OSBPL9: variants seen among roughly 807,000 people sequenced by gnomAD.
OSBPL9 encodes the protein oxysterol binding protein like 9.
In OSBPL9, 40 loss-of-function variants were observed where a neutral mutation model predicts 106.6. The ratio of observed to expected loss-of-function variants is 0.38; its 90% CI spans 0.29 to 0.49. OSBPL9 has a LOEUF of 0.49. Among genes scored for constraint, OSBPL9 ranks in the 20% least tolerant of loss-of-function variants. The probability of loss-of-function intolerance (pLI) is 0.97; values close to 1 mark genes in which losing one functional copy is unlikely to be tolerated. For missense variants in OSBPL9, 609 were observed against 887.2 expected (o/e 0.69, Z 3.98); for synonymous variants, 269 against 295.4 (o/e 0.91, Z 0.92).
intron 4 of OSBPL9, among the ~76,000 whole-genome samples, chr1:51,741,526 C>G (rs1362750955): frequency 6.7e-6 from 1 of 149,812 alleles, no homozygotes; most frequent in Non-Finnish European, 1.5e-5. Context: ...CTTCCCTTCC[C>G]TCTCTCCCCA....
chr1:51,584,456 C>A (rs112744003), intron 1 of OSBPL9, among the ~76,000 whole-genome samples: 51 of 146,010 alleles, frequency 3.5e-4, no homozygotes, highest in Non-Finnish European at 6.1e-4. Flanking sequence ...ATGCTGTAAT[C>A]CCAACACTTT....
chr1:51,593,904 T>A (rs951913287), intron 1 of OSBPL9, among the ~76,000 whole-genome samples: 1 of 140,102 alleles, frequency 7.1e-6, no homozygotes, highest in Non-Finnish European at 1.5e-5. Context: ...TAATCAGATT[T>A]CACACACACA....
At chr1:51,645,877 C>T (rs971802579) in intron 1 of OSBPL9, among the ~76,000 whole-genome samples, 2 of 151,596 alleles carry the variant, frequency 1.3e-5, no homozygotes, top group African/African-American at 4.9e-5. Flanking sequence ...AAGACTATTC[C>T]CTATTGGATA....
chr1:51,734,190 A>G (rs1223787920), intron 4 of OSBPL9, among the ~76,000 whole-genome samples: 1 of 152,216 alleles, frequency 6.6e-6, no homozygotes, highest in East Asian at 1.9e-4. Context: ...AGTTCCTGCC[A>G]TATTGGAGTT....
intron 1 of OSBPL9, among the ~76,000 whole-genome samples, chr1:51,622,517 T>A (rs1433235154): frequency 1.3e-5 from 2 of 152,224 alleles, no homozygotes; most frequent in African/African-American, 2.4e-5. Context: ...GCTCAGGGTC[T>A]CTTATGAAGT....
chr1:51,645,369 C>T (rs1646085815), intron 1 of OSBPL9, among the ~76,000 whole-genome samples: 1 of 152,072 alleles, frequency 6.6e-6, no homozygotes, highest in Admixed American at 6.6e-5. Context: ...TGTGCGAGTT[C>T]TGTATATATT....
intron 2 of OSBPL9, among the ~76,000 whole-genome samples, chr1:51,665,782 T>C (rs941487522): frequency 6.6e-6 from 1 of 152,172 alleles, no homozygotes; most frequent in Admixed American, 6.5e-5. Context: ...AATGTTTTTT[T>C]CCATATAGAC....
rs536465372 is a variant in OSBPL9 at position 51,579,750 on chromosome 1, A to G, written c.-423+2494A>G. 2.6e-5 allele frequency among the ~76,000 whole-genome samples: 4 copies of G among 151,874 alleles called. No individual in the cohort carries two copies. The South Asian group carries it at 8.3e-4, about 32-fold the overall frequency. Reference sequence around the variant, plus strand: ...GTGGTGCATGCCTGTAGTCCCAGCTACCTTGAGGTGGGAGGGTCACCTGAG... The same window carrying G: ...GTGGTGCATGCCTGTAGTCCCAGCTGCCTTGAGGTGGGAGGGTCACCTGAG... On this transcript the variant is annotated intron_variant, in intron 1 of 25. Transcript: ENST00000371714.
chr1:51,718,516 A>T (rs572891245), intron 4 of OSBPL9, among the ~76,000 whole-genome samples: 6 of 152,140 alleles, frequency 3.9e-5, no homozygotes, highest in Non-Finnish European at 8.8e-5. Flanking sequence ...TGTTTTTGCT[A>T]TCACCTTTAG....
At chr1:51,553,155 C>CTAGA in the OSBPL9 span, among the ~76,000 whole-genome samples, 4 of 152,008 alleles carry the variant, frequency 2.6e-5, no homozygotes, top group Non-Finnish European at 5.9e-5. Context: ...TCACTCCACC[C>CTAGA]ACAAAATAGT....
intron 11 of OSBPL9, among the ~76,000 whole-genome samples, chr1:51,764,558 A>G (rs2149079559): frequency 6.6e-6 from 1 of 152,180 alleles, no homozygotes; most frequent in South Asian, 2.1e-4. Context: ...GGAATGGGCA[A>G]AAAATCCGTA....
intron 2 of OSBPL9, among the ~76,000 whole-genome samples, chr1:51,599,642 G>T (rs79470550): frequency 0.012 from 1,862 of 152,102 alleles, 38 homozygotes; most frequent in African/African-American, 0.043. Context: ...AATTCTACAA[G>T]CTGATAAAAT....
chr1:51,655,722 C>T (rs1646777529), intron 2 of OSBPL9, among the ~76,000 whole-genome samples: 1 of 152,204 alleles, frequency 6.6e-6, no homozygotes, highest in Non-Finnish European at 1.5e-5. Flanking sequence ...GTTTGATTCC[C>T]ATTTTTACCC....
At chr1:51,755,613 C>T (rs1670177553) in intron 8 of OSBPL9, among the ~76,000 whole-genome samples, 1 of 152,198 alleles carries the variant, frequency 6.6e-6, no homozygotes, top group South Asian at 2.1e-4. Flanking sequence ...CAAGGGTAGC[C>T]AGCTGAAACT....
chr1:51,557,163 A>G, the OSBPL9 span, among the ~76,000 whole-genome samples: 1 of 152,190 alleles, frequency 6.6e-6, no homozygotes, highest in Admixed American at 6.5e-5. Context: ...CATGGCCAAA[A>G]AAGTTTTCTT....
chr1:51,754,792 T>C (rs1669978217), intron 8 of OSBPL9, among the ~76,000 whole-genome samples: 1 of 152,160 alleles, frequency 6.6e-6, no homozygotes, highest in South Asian at 2.1e-4. Context: ...CCCTCTCTCT[T>C]CTTTCTTACT....
chr1:51,767,235 A>T (rs1672750509), intron 12 of OSBPL9, among the ~76,000 whole-genome samples: 1 of 152,078 alleles, frequency 6.6e-6, no homozygotes, highest in South Asian at 2.1e-4. Context: ...CTCTAAAAAA[A>T]TACAAAAATT....
At chr1:51,731,518 T>C (rs1321132484) in intron 4 of OSBPL9, among the ~76,000 whole-genome samples, 1 of 152,116 alleles carries the variant, frequency 6.6e-6, no homozygotes, top group African/African-American at 2.4e-5. Flanking sequence ...CAGTGCTGCC[T>C]ATAATCCCAG....
intron 1 of OSBPL9, among the ~76,000 whole-genome samples, chr1:51,633,192 C>T (rs888221867): frequency 2.0e-5 from 3 of 151,800 alleles, no homozygotes; most frequent in Non-Finnish European, 4.4e-5. Context: ...CTCCTGACCT[C>T]AGGCGATCCA....
Sources: gnomAD v4.1 joint callset for allele counts (sites outside exome capture counted in the v4.1 genomes callset) on GRCh38, gnomAD v4.1.1 for gene constraint, MANE v1.5 for transcripts, NCBI Gene and HGNC (gene_info 2026-07-23, HGNC 2026-07-21) for gene names.